The following GPC6 variants were observed in gnomAD, a reference collection of about 807,000 sequenced individuals.
GPC6 encodes glypican-6.
Under a neutral mutation model 55.2 loss-of-function variants are expected in GPC6, and 14 were observed. The ratio of observed to expected loss-of-function variants is 0.25; its 90% CI spans 0.17 to 0.40. GPC6 has a LOEUF of 0.40. Among genes scored for constraint, GPC6 ranks in the 10% least tolerant of loss-of-function variants. GPC6 has a pLI of 1.00. For missense variants in GPC6, 641 were observed against 708.5 expected, an observed-to-expected ratio of 0.90 and a Z score of 1.08; for synonymous variants, 278 against 259.6, an observed-to-expected ratio of 1.07 and a Z score of -0.68.
chr13:94,213,173 A>G (rs1426692454), intron 4 of GPC6, among the ~76,000 whole-genome samples: 1 of 152,088 alleles, frequency 6.6e-6, no homozygotes, highest in Non-Finnish European at 1.5e-5. Flanking sequence ...AAACAAACAA[A>G]CAAACAAAAA....
At chr13:94,072,316 T>C (rs1884763624) in intron 4 of GPC6, among the ~76,000 whole-genome samples, 1 of 152,114 alleles carries the variant, frequency 6.6e-6, no homozygotes, top group Admixed American at 6.6e-5. Flanking sequence ...TTTTTCCTAC[T>C]CTTTGGGTGG....
intron 2 of GPC6, among the ~76,000 whole-genome samples, chr13:93,636,415 G>A (rs1489907082): frequency 3.9e-5 from 6 of 152,148 alleles, no homozygotes; most frequent in Non-Finnish European, 5.9e-5. Context: ...TATTTATAGT[G>A]ACAGAATTAA....
intron 1 of GPC6, among the ~76,000 whole-genome samples, chr13:93,404,714 G>C (rs1398974163): frequency 6.6e-6 from 1 of 151,974 alleles, no homozygotes; most frequent in Non-Finnish European, 1.5e-5. Flanking sequence ...TTCTTACGGA[G>C]GTAATAAAAT....
At chr13:94,164,960 A>G (rs1466563655) in intron 4 of GPC6, among the ~76,000 whole-genome samples, 2 of 152,058 alleles carry the variant, frequency 1.3e-5, no homozygotes, top group Admixed American at 1.3e-4. Context: ...CATGAAAACT[A>G]ATACTAGCAC....
intron 2 of GPC6, among the ~76,000 whole-genome samples, chr13:93,674,873 C>T (rs1881522793): frequency 6.6e-6 from 1 of 152,158 alleles, no homozygotes; most frequent in African/African-American, 2.4e-5. Flanking sequence ...CAGATGTTCT[C>T]TCCAAAGAAA....
At chr13:94,164,445 T>C (rs1292551603) in intron 4 of GPC6, among the ~76,000 whole-genome samples, 1 of 152,256 alleles carries the variant, frequency 6.6e-6, no homozygotes, top group Non-Finnish European at 1.5e-5. Context: ...GTTATTGTTA[T>C]TCTTGTATGA....
chr13:93,577,625 T>C (rs1038824038), intron 2 of GPC6, among the ~76,000 whole-genome samples: 1 of 152,122 alleles, frequency 6.6e-6, no homozygotes, highest in Non-Finnish European at 1.5e-5. Context: ...TTTTTCTCAA[T>C]ATAAGGTCGT....
intron 1 of GPC6, among the ~76,000 whole-genome samples, chr13:93,326,888 G>A (rs777479017): frequency 1.2e-4 from 18 of 152,254 alleles, no homozygotes; most frequent in Admixed American, 3.9e-4. Context: ...GAAGAAGATA[G>A]CAAATGTCAT....
chr13:93,336,092 A>C (rs1423346181), intron 1 of GPC6, among the ~76,000 whole-genome samples: 1 of 152,204 alleles, frequency 6.6e-6, no homozygotes, highest in East Asian at 1.9e-4. Flanking sequence ...CATCATAAAA[A>C]AGTGTTTAAC....
chr13:93,544,474 G>T (rs761178129), intron 1 of GPC6, among the ~76,000 whole-genome samples: 5 of 152,156 alleles, frequency 3.3e-5, no homozygotes, highest in Non-Finnish European at 7.4e-5. Context: ...CTGTGAGAAA[G>T]ATTTTTGACA....
intron 1 of GPC6, among the ~76,000 whole-genome samples, chr13:93,370,613 G>A (rs1375967959): frequency 1.3e-5 from 2 of 152,112 alleles, no homozygotes; most frequent in African/African-American, 4.8e-5. Context: ...GTTTTGTTAA[G>A]TTTGGAATTT....
chr13:94,039,062 G>C (rs1229840334), intron 4 of GPC6, among the ~76,000 whole-genome samples: 5 of 151,924 alleles, frequency 3.3e-5, no homozygotes, highest in African/African-American at 7.2e-5. Flanking sequence ...TGACACCAGG[G>C]GGGGAAAAAC....
chr13:93,443,299 A>AC, intron 1 of GPC6, among the ~76,000 whole-genome samples: 1 of 152,200 alleles, frequency 6.6e-6, no homozygotes, highest in Admixed American at 6.5e-5. Flanking sequence ...TCTTATGAAT[A>AC]AATTTTTTTT....
intron 2 of GPC6, among the ~76,000 whole-genome samples, chr13:93,573,775 A>G (rs1258699177): frequency 6.6e-6 from 1 of 152,188 alleles, no homozygotes; most frequent in Non-Finnish European, 1.5e-5. Flanking sequence ...ACCCACATAT[A>G]CCAATTAATA....
chr13:93,684,930 G>A (rs1158744768), intron 2 of GPC6, among the ~76,000 whole-genome samples: 3 of 152,078 alleles, frequency 2.0e-5, no homozygotes, highest in African/African-American at 7.2e-5. Context: ...TTCATAAGGA[G>A]CTGTAAAATG....
chr13:94,255,058 G>T (rs1891463903), intron 4 of GPC6, among the ~76,000 whole-genome samples: 1 of 152,150 alleles, frequency 6.6e-6, no homozygotes, highest in Non-Finnish European at 1.5e-5. Context: ...AAAATTTAGT[G>T]CTATGCAGAA....
intron 2 of GPC6, among the ~76,000 whole-genome samples, chr13:93,743,412 TAAC>T (rs1245099950): frequency 6.6e-6 from 1 of 152,160 alleles, no homozygotes; most frequent in Non-Finnish European, 1.5e-5. Context: ...TAGATAAAAA[TAAC>T]AAATCACTAA....
chr13:93,548,128 CTT>C (rs768255345), intron 2 of GPC6, among the ~76,000 whole-genome samples: 12 of 152,118 alleles, frequency 7.9e-5, no homozygotes, highest in Admixed American at 4.6e-4. Flanking sequence ...CTATAAAAGA[CTT>C]TGAGTTTATT....
intron 1 of GPC6, among the ~76,000 whole-genome samples, chr13:93,375,243 G>A (rs1874836091): frequency 6.6e-6 from 1 of 152,124 alleles, no homozygotes; most frequent in Admixed American, 6.6e-5. Context: ...ACAAAACAAT[G>A]GCTTTAAGCA....
Sources: gnomAD v4.1 joint callset for allele counts (sites outside exome capture counted in the v4.1 genomes callset) on GRCh38, gnomAD v4.1.1 for gene constraint, MANE v1.5 for transcripts, NCBI Gene and HGNC (gene_info 2026-07-23, HGNC 2026-07-21) for gene names.